CSMD1: variants seen among roughly 807,000 people sequenced by gnomAD.
The protein encoded by CSMD1 is CUB and sushi domain-containing protein 1.
Under a neutral mutation model 417.5 loss-of-function variants are expected in CSMD1, and 213 were observed. The observed-to-expected ratio is 0.51, with a 90% confidence interval of 0.46 to 0.57. The LOEUF (loss-of-function observed/expected upper bound fraction) is 0.57. Among genes scored for constraint, CSMD1 ranks in the 20% least tolerant of loss-of-function variants. The probability of loss-of-function intolerance (pLI) is 0.00; values close to 1 mark genes in which losing one functional copy is unlikely to be tolerated. For missense variants in CSMD1, 6,923 were observed against 4,529.7 expected, an observed-to-expected ratio of 1.53 and a Z score of -15.17; for synonymous variants, 2,862 against 1,736.8, an observed-to-expected ratio of 1.65 and a Z score of -16.11.
chr8:4,385,488 T>C (rs952651420), intron 3 of CSMD1, among the ~76,000 whole-genome samples: 1 of 152,232 alleles, frequency 6.6e-6, no homozygotes, highest in Non-Finnish European at 1.5e-5. Flanking sequence ...AATAGATATT[T>C]GGAGCTTAGT....
intron 2 of CSMD1, among the ~76,000 whole-genome samples, chr8:4,563,621 C>A (rs997947402): frequency 6.6e-6 from 1 of 152,128 alleles, no homozygotes; most frequent in African/African-American, 2.4e-5. Flanking sequence ...ACAATTAAAA[C>A]CTTCCTTCCT....
intron 10 of CSMD1, among the ~76,000 whole-genome samples, chr8:3,502,094 A>G (rs1211426864): frequency 6.6e-6 from 1 of 152,100 alleles, no homozygotes; most frequent in Non-Finnish European, 1.5e-5. Flanking sequence ...ACAGCTAAAA[A>G]CGTATGTCCA....
intron 2 of CSMD1, among the ~76,000 whole-genome samples, chr8:4,464,367 G>C (rs936393063): frequency 3.3e-5 from 5 of 152,194 alleles, no homozygotes; most frequent in African/African-American, 1.2e-4. Flanking sequence ...TGAAAAGAGT[G>C]ATGAAAATGC....
At chr8:4,889,026 T>C (rs964844646) in intron 1 of CSMD1, among the ~76,000 whole-genome samples, 2 of 152,216 alleles carry the variant, frequency 1.3e-5, no homozygotes, top group South Asian at 2.1e-4. Context: ...GCAAACACGA[T>C]GGCATTTATT....
intron 1 of CSMD1, among the ~76,000 whole-genome samples, chr8:4,783,568 C>T (rs1386900253): frequency 6.6e-6 from 1 of 152,196 alleles, no homozygotes; most frequent in Admixed American, 6.5e-5. Context: ...GAAAACCTAG[C>T]TGTGAGTTGT....
intron 5 of CSMD1, among the ~76,000 whole-genome samples, chr8:3,864,814 T>G (rs1024935266): frequency 6.6e-6 from 1 of 152,226 alleles, no homozygotes; most frequent in Non-Finnish European, 1.5e-5. Context: ...AAAGAGCTAT[T>G]TGTTATACAG....
At chr8:3,947,047 G>C (rs1025453719) in intron 5 of CSMD1, among the ~76,000 whole-genome samples, 1 of 152,030 alleles carries the variant, frequency 6.6e-6, no homozygotes, top group Non-Finnish European at 1.5e-5. Context: ...CATGGCACTT[G>C]CTTGGTAACT....
At chr8:4,513,375 T>G (rs930750018) in intron 2 of CSMD1, among the ~76,000 whole-genome samples, 3 of 152,180 alleles carry the variant, frequency 2.0e-5, no homozygotes, top group Non-Finnish European at 2.9e-5. Context: ...GCGATGCTAA[T>G]TTAAAGAGAA....
chr8:4,779,184 G>C (rs1797024947), intron 1 of CSMD1, among the ~76,000 whole-genome samples: 1 of 152,252 alleles, frequency 6.6e-6, no homozygotes. Context: ...TCCAGTGGTG[G>C]CAAACATATG....
intron 3 of CSMD1, among the ~76,000 whole-genome samples, chr8:4,131,726 T>A (rs1248724531): frequency 2.6e-5 from 4 of 150,984 alleles, no homozygotes; most frequent in South Asian, 4.2e-4. Flanking sequence ...ATGCAGTTGT[T>A]ATCAAGATTA....
intron 1 of CSMD1, among the ~76,000 whole-genome samples, chr8:4,793,725 G>A (rs925386670): frequency 6.6e-6 from 1 of 151,700 alleles, no homozygotes; most frequent in African/African-American, 2.4e-5. Context: ...CTTTTACAGG[G>A]GAAATGACAT....
At chr8:4,295,234 A>G in intron 3 of CSMD1, among the ~76,000 whole-genome samples, 1 of 116,142 alleles carries the variant, frequency 8.6e-6, no homozygotes, top group African/African-American at 2.9e-5. Flanking sequence ...TTAAGATTAT[A>G]TGCACATATA....
intron 1 of CSMD1, among the ~76,000 whole-genome samples, chr8:4,742,085 C>T (rs1391295065): frequency 2.4e-5 from 3 of 126,568 alleles, no homozygotes; most frequent in Admixed American, 1.0e-4. Flanking sequence ...GGCTGGAGTG[C>T]AGTGGCGCAA....
intron 25 of CSMD1, among the ~76,000 whole-genome samples, chr8:3,292,820 A>C (rs999038553): frequency 1.3e-5 from 2 of 151,934 alleles, no homozygotes; most frequent in East Asian, 1.9e-4. Context: ...CATTTAGCCC[A>C]TTTACATTTA....
chr8:4,291,468 C>CT (rs555562858), intron 3 of CSMD1, among the ~76,000 whole-genome samples: 88 of 152,106 alleles, frequency 5.8e-4, no homozygotes, highest in African/African-American at 2.1e-3. Context: ...AAGTATTTTT[C>CT]TTTTTTATCT....
At chr8:4,817,859 T>C (rs1799295103) in intron 1 of CSMD1, among the ~76,000 whole-genome samples, 1 of 152,168 alleles carries the variant, frequency 6.6e-6, no homozygotes, top group South Asian at 2.1e-4. Flanking sequence ...TTGAAAATAG[T>C]TAATGATATG....
chr8:4,690,654 A>C (rs1007418387), intron 1 of CSMD1, among the ~76,000 whole-genome samples: 2 of 152,208 alleles, frequency 1.3e-5, no homozygotes, highest in African/African-American at 4.8e-5. Context: ...TTTGTGAAAT[A>C]ATCTCAGCAT....
chr8:4,397,597 G>C (rs560620607), intron 3 of CSMD1, among the ~76,000 whole-genome samples: 5 of 132,886 alleles, frequency 3.8e-5, no homozygotes, highest in Non-Finnish European at 7.7e-5. Context: ...TGCAGCACCT[G>C]AGATTCACTT....
chr8:3,397,752 A>G (rs1247530256), intron 16 of CSMD1, among the ~76,000 whole-genome samples: 3 of 152,174 alleles, frequency 2.0e-5, no homozygotes, highest in Non-Finnish European at 2.9e-5. Context: ...CAAAGTGCCT[A>G]TTTCAACAGC....
Sources: gnomAD v4.1 joint callset for allele counts (sites outside exome capture counted in the v4.1 genomes callset) on GRCh38, gnomAD v4.1.1 for gene constraint, MANE v1.5 for transcripts, NCBI Gene and HGNC (gene_info 2026-07-23, HGNC 2026-07-21) for gene names.